The following DNAL4 variants were observed in gnomAD, a reference collection of about 807,000 sequenced individuals.
DNAL4 encodes dynein axonemal light chain 4.
In DNAL4, 10 loss-of-function variants were observed where a neutral mutation model predicts 12.6. That is an observed-to-expected ratio of 0.79 (90% CI 0.49 to 1.34). DNAL4 has a LOEUF of 1.34. Among genes scored for constraint, DNAL4 ranks in the 40% most tolerant of loss-of-function variants. The pLI is 0.00. For synonymous variants in DNAL4, 46 were observed against 53.1 expected (o/e 0.87, Z 0.58); for missense variants, 128 against 138.1 (o/e 0.93, Z 0.37).
intron 1 of DNAL4, among the ~76,000 whole-genome samples, chr22:38,790,320 T>C (rs1212292502): frequency 1.3e-5 from 2 of 149,296 alleles, no homozygotes; most frequent in Non-Finnish European, 2.9e-5. Flanking sequence ...CATGAAATAC[T>C]TGAAGGAGAG....
At chr22:38,789,166 C>A (rs1787624034) in intron 1 of DNAL4, among the ~76,000 whole-genome samples, 1 of 152,164 alleles carries the variant, frequency 6.6e-6, no homozygotes, top group Non-Finnish European at 1.5e-5. Context: ...CCCTACGTTA[C>A]TGGTATAGCC....
chr22:38,783,761 C>A (rs536408038), intron 1 of DNAL4, among the ~76,000 whole-genome samples: 1 of 152,270 alleles, frequency 6.6e-6, no homozygotes, highest in East Asian at 1.9e-4. Context: ...CCATCTCATG[C>A]GGCCGTTATG....
intron 1 of DNAL4, among the ~76,000 whole-genome samples, chr22:38,786,943 T>C (rs566105796): frequency 1.3e-5 from 2 of 152,226 alleles, no homozygotes; most frequent in Admixed American, 1.3e-4. Flanking sequence ...GGTTAGGGTG[T>C]GTGGGAGGGA....
At position 38,782,554 on chromosome 22, in the gene DNAL4, C is replaced by T. The variant is rs1670010313; in HGVS notation, c.69+109G>A. 1 of 1,058,954 alleles carries T rather than the reference C, an allele frequency of 9.4e-7. No individual in the cohort carries two copies. The highest frequency in any genetic ancestry group is 2.3e-5 in the Admixed American group (1 of 43,488). The allele number at this position is 1,058,954 out of a possible 1,614,324, so 65.6% of individuals were successfully genotyped here. The stretch of plus-strand genomic sequence containing the variant: ...ATGTCTAGGTCTGAGCCAGCAGAGC[C>T]CTTCTTAACTTCCTCCCACTGCCAT... On this transcript the variant is annotated intron_variant, in intron 2 of 3. Coordinates refer to ENST00000216068, the MANE Select transcript of DNAL4 (RefSeq NM_005740.3). This position sits in a 1 kb window ranked among gnomAD's most constrained non-coding sequence, Gnocchi z 5.1.
chr22:38,788,612 T>A (rs1171748746), intron 1 of DNAL4, among the ~76,000 whole-genome samples: 3 of 152,158 alleles, frequency 2.0e-5, no homozygotes, highest in Non-Finnish European at 4.4e-5. Context: ...CAGACTTGGA[T>A]GAAATCCCAG....
chr22:38,787,917 G>A (rs574194204), intron 1 of DNAL4, among the ~76,000 whole-genome samples: 4 of 152,274 alleles, frequency 2.6e-5, no homozygotes, highest in Middle Eastern at 3.4e-3. Flanking sequence ...GTGCACAGCC[G>A]GCAATGGTAG....
intron 1 of DNAL4, among the ~76,000 whole-genome samples, chr22:38,793,843 G>A (rs2093054650): frequency 6.6e-6 from 1 of 151,954 alleles, no homozygotes; most frequent in Non-Finnish European, 1.5e-5. Flanking sequence ...AAGAGCAGCC[G>A]GCAGAGTCGC....
In DNAL4 at chr22:38,783,311, A is replaced by G. The variant is rs368827355; in HGVS notation, c.-139-441T>C. Among the ~76,000 whole-genome samples the G allele has an allele frequency of 1.0e-3, 139 of 135,746 alleles. 1 individual carries two copies. Among genetic ancestry groups the G allele is most frequent in the Middle Eastern group, 3.7e-3 (1 of 268 alleles). 89.1% of individuals were successfully genotyped at this position (135,746 alleles called of 152,430 possible). On this transcript the variant is annotated intron_variant, in intron 1 of 3. Coordinates refer to ENST00000216068, the MANE Select transcript of DNAL4 (RefSeq NM_005740.3). ...ACGGGCCTTCCCTCCCACTACACAC[A>G]CGGGCCTTCCCTCCCACTACACACG... is the stretch of plus-strand genomic sequence containing the variant.
At chr22:38,791,565 T>C (rs1187511246) in intron 1 of DNAL4, among the ~76,000 whole-genome samples, 1 of 152,070 alleles carries the variant, frequency 6.6e-6, no homozygotes, top group Non-Finnish European at 1.5e-5. Context: ...TTGTATTTTG[T>C]ATTTTTAGTA....
Position 38,779,560 on chromosome 22 carries a change from C to T in DNAL4, c.207G>A (p.Trp69Ter). Residue 69 changes from tryptophan to a stop codon, truncating the protein, a stop_gained, in exon 4 of 4, where the codon TGG becomes TGA. Coordinates refer to ENST00000216068, the MANE Select transcript of DNAL4 (RefSeq NM_005740.3). LOFTEE classifies it high-confidence loss of function. The surrounding 1 kb of genome is among the most constrained non-coding windows in gnomAD (Gnocchi z 4.3). ...CAAAGCCCTCGCCGATCACCACGTGCCAGGAGGAGCCGAACTTCTTGTCCA... is the reference window on the plus strand; with the variant it reads ...CAAAGCCCTCGCCGATCACCACGTGTCAGGAGGAGCCGAACTTCTTGTCCA... ...ETMDKKFGSSWHVVIGEGFGF... is the reference protein window; with the variant it reads ...ETMDKKFGSS The T allele has an allele frequency of 6.3e-7, 1 of 1,594,154 alleles. No individual in the cohort carries two copies. The highest frequency in any genetic ancestry group is 2.3e-5 in the East Asian group (1 of 44,082).
chr22:38,780,338 A>G (rs2093032405), intron 3 of DNAL4, among the ~76,000 whole-genome samples: 1 of 152,176 alleles, frequency 6.6e-6, no homozygotes, highest in South Asian at 2.1e-4. Context: ...CTGCGCTCAG[A>G]GTTGAGAAAT....
chr22:38,790,839 T>C (rs1479714299), intron 1 of DNAL4, among the ~76,000 whole-genome samples: 1 of 152,158 alleles, frequency 6.6e-6, no homozygotes, highest in African/African-American at 2.4e-5. Flanking sequence ...TGTAGGCAAC[T>C]GTAATGCAAT....
At chr22:38,784,076 C>A (rs145907445) in intron 1 of DNAL4, among the ~76,000 whole-genome samples, 38 of 152,138 alleles carry the variant, frequency 2.5e-4, no homozygotes, top group African/African-American at 8.9e-4. Flanking sequence ...TAATGTTATT[C>A]CAGCATTTCT....
chr22:38,790,253 G>A (rs978205617), intron 1 of DNAL4, among the ~76,000 whole-genome samples: 1 of 152,198 alleles, frequency 6.6e-6, no homozygotes, highest in Non-Finnish European at 1.5e-5. Context: ...AGAGACCGGA[G>A]GTAGGAGCAG....
chr22:38,785,630 G>A (rs1054596889), intron 1 of DNAL4: 5 of 152,344 alleles, frequency 3.3e-5, no homozygotes, highest in Non-Finnish European at 5.9e-5. Context: ...GCAGCATCTT[G>A]CAGAGCTAAG....
At chr22:38,793,793 CG>C (rs1883673138) in intron 1 of DNAL4, among the ~76,000 whole-genome samples, 1 of 151,414 alleles carries the variant, frequency 6.6e-6, no homozygotes, top group African/African-American at 2.4e-5. Flanking sequence ...TAAAGGGGGA[CG>C]CGGGACCACG....
At position 38,779,462 on chromosome 22, in the gene DNAL4, C is replaced by T. The variant is rs1328458563; in HGVS notation, c.305G>A (p.Trp102Ter). 6.4e-7 allele frequency: 1 copy of T among 1,571,392 alleles called. No individual in the cohort carries two copies. Among genetic ancestry groups the T allele is most frequent in the Non-Finnish European group, 8.6e-7 (1 of 1,158,108 alleles). The change falls in exon 4 of 4, where the codon TGG becomes TAG. Residue 102 changes from tryptophan (W) to a stop codon, truncating the protein, a stop_gained. Coordinates refer to ENST00000216068, the MANE Select transcript of DNAL4 (RefSeq NM_005740.3). LOFTEE classifies it high-confidence loss of function. The surrounding 1 kb of genome is among the most constrained non-coding windows in gnomAD (Gnocchi z 4.3). ...YFGGTLAVCV[W>*]KCS ...GGGGACAGAGTGTCAGGAGCACTTC[C>T]AGACGCACACAGCCAGGGTGCCCCC...
chr22:38,791,999 C>G lies in DNAL4; in HGVS notation c.-140+2069G>C, dbSNP rs148006530. On this transcript the variant is annotated intron_variant, in intron 1 of 3. Transcript: ENST00000216068. ...GCATTACAGGTGTGAGCCACCATGC[C>G]TGGCCACTACTGTAACTTTATTTAT... 5.3e-4 allele frequency among the ~76,000 whole-genome samples: 81 copies of G among 152,230 alleles called. 2 individuals carry two copies. In the East Asian group the frequency reaches 0.014, roughly 27 times the overall value.
intron 1 of DNAL4, among the ~76,000 whole-genome samples, chr22:38,793,308 G>C (rs1478743510): frequency 2.0e-5 from 3 of 152,140 alleles, no homozygotes; most frequent in Non-Finnish European, 2.9e-5. Flanking sequence ...AAGAGACAAA[G>C]GAAAGAAACT....
Sources: gnomAD v4.1 joint callset for allele counts (sites outside exome capture counted in the v4.1 genomes callset) on GRCh38, gnomAD v4.1.1 for gene constraint, Gnocchi (gnomAD v3.1) non-coding constraint, MANE v1.5 for transcripts, NCBI Gene and HGNC (gene_info 2026-07-23, HGNC 2026-07-21) for gene names.